Variants in SOX5 observed in about 807,000 individuals in gnomAD.
The protein encoded by SOX5 is SRY-box transcription factor 5, also known as transcription factor SOX-5.
Under a neutral mutation model 92.0 loss-of-function variants are expected in SOX5, and 9 were observed. The ratio of observed to expected loss-of-function variants is 0.10; its 90% CI spans 0.06 to 0.17. The LOEUF (loss-of-function observed/expected upper bound fraction) is 0.17, where lower values mean the gene tolerates loss of function less well. Among genes scored for constraint, SOX5 ranks in the 10% least tolerant of loss-of-function variants. SOX5 has a pLI of 1.00. For missense variants in SOX5, 642 were observed against 944.5 expected, an observed-to-expected ratio of 0.68 and a Z score of 4.20; for synonymous variants, 344 against 336.3, an observed-to-expected ratio of 1.02 and a Z score of -0.25.
At chr12:23,716,967 T>G (rs1473066204) in intron 6 of SOX5, among the ~76,000 whole-genome samples, 4 of 152,194 alleles carry the variant, frequency 2.6e-5, no homozygotes, top group Non-Finnish European at 5.9e-5. Context: ...AATGCCTCTG[T>G]GCTCCTGTGC....
chr12:23,976,406 C>CAAAAAAA (rs869250917), intron 4 of SOX5, among the ~76,000 whole-genome samples: 55 of 37,818 alleles, frequency 1.5e-3, no homozygotes, highest in South Asian at 2.4e-3. Flanking sequence ...AACAAAAAAA[C>CAAAAAAA]AAAAAAAAAA....
rs114900867 is a variant in SOX5, at chr12:23,654,356, A to G, written c.931+11088T>C. Among the ~76,000 whole-genome samples the G allele has an allele frequency of 1.2e-3, 187 of 152,236 alleles. 2 individuals are homozygous for G. The highest frequency in any genetic ancestry group is 4.4e-3 in the African/African-American group (184 of 41,562). On this transcript the variant is annotated intron_variant, in intron 7 of 14. Coordinates refer to ENST00000451604, the MANE Select transcript of SOX5 (RefSeq NM_006940.6). ...CTCTTAGGTATGAAAATTAAGTAATATGCACTTCCAAAGTCTTAAAATGAT... is the reference window on the plus strand; with the variant it reads ...CTCTTAGGTATGAAAATTAAGTAATGTGCACTTCCAAAGTCTTAAAATGAT...
chr12:23,536,954 CATTTCTA>C (rs1329014594), intron 13 of SOX5, among the ~76,000 whole-genome samples: 3 of 151,946 alleles, frequency 2.0e-5, no homozygotes, highest in Admixed American at 6.6e-5. Flanking sequence ...ATACATTTCT[CATTTCTA>C]CATTAGATCA....
chr12:24,242,058 TGGGCTATTCA>T (rs761710531), intron 3 of SOX5, among the ~76,000 whole-genome samples: 77 of 152,326 alleles, frequency 5.1e-4, no homozygotes, highest in Admixed American at 2.0e-3. Flanking sequence ...ACTTTTTCTT[TGGGCTATTCA>T]GCTGGCCATC....
intron 8 of SOX5, among the ~76,000 whole-genome samples, chr12:23,617,857 G>A (rs1162924430): frequency 6.6e-6 from 1 of 152,120 alleles, no homozygotes; most frequent in African/African-American, 2.4e-5. Flanking sequence ...CGAGAGTCAT[G>A]TAAGAACACC....
chr12:24,141,276 T>A (rs779760225), intron 4 of SOX5, among the ~76,000 whole-genome samples: 1 of 152,190 alleles, frequency 6.6e-6, no homozygotes, highest in Non-Finnish European at 1.5e-5. Flanking sequence ...AGCATATTTA[T>A]ATCCTAAGTG....
chr12:24,100,635 A>G (rs1447507409), intron 4 of SOX5, among the ~76,000 whole-genome samples: 1 of 152,100 alleles, frequency 6.6e-6, no homozygotes, highest in Non-Finnish European at 1.5e-5. Flanking sequence ...GAACAAATTT[A>G]TGTCTCTAAC....
Position 24,424,810 on chromosome 12 carries a change from G to T in SOX5, c.-250-56171C>A, listed in dbSNP as rs115568465. On this transcript the variant is annotated intron_variant, in intron 1 of 4. Coordinates refer to the SOX5 transcript ENST00000446891. ...CTTTTCTTTGTGAGTTTTTTTTTTG[G>T]GGGGGGGGGATGGCTGTTTTTCCCC... 1.9e-3 allele frequency among the ~76,000 whole-genome samples: 282 copies of T among 148,900 alleles called. 7 individuals carry two copies. Among genetic ancestry groups the T allele is most frequent in the African/African-American group, 6.8e-3 (269 of 39,558 alleles).
At chr12:24,551,477 C>A (rs1953156858) in intron 1 of SOX5, among the ~76,000 whole-genome samples, 1 of 152,208 alleles carries the variant, frequency 6.6e-6, no homozygotes. Flanking sequence ...TCTCTCTTTA[C>A]AAGATATTTT....
chr12:23,785,149 C>G (rs972352319), intron 3 of SOX5, among the ~76,000 whole-genome samples: 1 of 152,180 alleles, frequency 6.6e-6, no homozygotes, highest in Non-Finnish European at 1.5e-5. Flanking sequence ...AAGATCACAA[C>G]TGACAAGTGT....
chr12:24,176,509 A>G (rs1423675802), intron 4 of SOX5, among the ~76,000 whole-genome samples: 1 of 152,214 alleles, frequency 6.6e-6, no homozygotes, highest in East Asian at 1.9e-4. Flanking sequence ...CATTGGCCAC[A>G]TGTGAATGTC....
chr12:23,801,667 A>G (rs2095661292), intron 3 of SOX5, among the ~76,000 whole-genome samples: 1 of 152,184 alleles, frequency 6.6e-6, no homozygotes, highest in African/African-American at 2.4e-5. Flanking sequence ...CCACTTTTTA[A>G]CATTATTAAT....
intron 4 of SOX5, among the ~76,000 whole-genome samples, chr12:23,745,752 G>A (rs2093961360): frequency 6.6e-6 from 1 of 150,596 alleles, no homozygotes; most frequent in Non-Finnish European, 1.5e-5. Context: ...TCTCTTCTTT[G>A]GGAATCTACA....
chr12:24,261,798 C>G lies in SOX5; in HGVS notation c.-77+15418G>C, dbSNP rs371873656. The stretch of plus-strand genomic sequence containing the variant: ...ATTCAAGGCTCCACTCAAATACCAT[C>G]GTCTTAGCTTTGCCTTTTTGGATTC... On this transcript the variant is annotated intron_variant, in intron 3 of 4. Transcript: ENST00000446891. 2.0e-5 allele frequency among the ~76,000 whole-genome samples: 3 copies of G among 152,306 alleles called. No homozygotes were observed. The East Asian group carries it at 5.8e-4, about 29-fold the overall frequency.
intron 2 of SOX5, among the ~76,000 whole-genome samples, chr12:24,285,238 T>C (rs1408198140): frequency 1.3e-5 from 2 of 152,168 alleles, no homozygotes; most frequent in African/African-American, 2.4e-5. Flanking sequence ...TATCTGTTGG[T>C]AGAACTACCA....
chr12:23,868,615 A>G (rs1489654867), intron 2 of SOX5, among the ~76,000 whole-genome samples: 2 of 152,130 alleles, frequency 1.3e-5, no homozygotes, highest in African/African-American at 4.8e-5. Flanking sequence ...TTACTTGACA[A>G]TTTATGTATT....
At chr12:24,539,860 A>G (rs1467601933) in intron 1 of SOX5, among the ~76,000 whole-genome samples, 2 of 152,136 alleles carry the variant, frequency 1.3e-5, no homozygotes, top group Non-Finnish European at 2.9e-5. Context: ...TCTTAAAATA[A>G]GAAAACATTT....
At chr12:24,209,075 A>G (rs567425256) in intron 4 of SOX5, among the ~76,000 whole-genome samples, 2 of 152,222 alleles carry the variant, frequency 1.3e-5, no homozygotes, top group Non-Finnish European at 2.9e-5. Context: ...GTAAAATTTA[A>G]AAAAAGTTTT....
intron 2 of SOX5, among the ~76,000 whole-genome samples, chr12:24,335,987 A>ATATATATATATATATATATATATATG (rs1555235765): frequency 7.4e-6 from 1 of 134,362 alleles, no homozygotes; most frequent in African/African-American, 2.8e-5. Flanking sequence ...ATATATATAT[A>ATATATATATATATATATATATATATG]TCCATAATAT....
Sources: allele counts gnomAD v4.1 joint callset (sites outside exome capture counted in the v4.1 genomes callset), GRCh38; gene constraint gnomAD v4.1.1; transcripts MANE v1.5; gene names NCBI Gene and HGNC (gene_info 2026-07-23, HGNC 2026-07-21).